The following ASTN2 variants were observed in gnomAD, a reference collection of about 807,000 sequenced individuals.
ASTN2 encodes the protein astrotactin 2.
Under a neutral mutation model 139.8 loss-of-function variants are expected in ASTN2, and 54 were observed. The ratio of observed to expected loss-of-function variants is 0.39; its 90% confidence interval spans 0.31 to 0.48. The LOEUF (loss-of-function observed/expected upper bound fraction) is 0.48. Among genes scored for constraint, ASTN2 ranks in the 20% least tolerant of loss-of-function variants. ASTN2 has a pLI of 0.95. For synonymous variants in ASTN2, 756 were observed against 719.5 expected (o/e 1.05, Z -0.81); for missense variants, 1,565 against 1,725.1 (o/e 0.91, Z 1.64).
intron 10 of ASTN2, among the ~76,000 whole-genome samples, chr9:116,937,988 C>T (rs779161575): frequency 2.0e-5 from 3 of 152,226 alleles, no homozygotes; most frequent in Non-Finnish European, 2.9e-5. Context: ...CTAATTTTCT[C>T]GGCAACCTTT....
At position 116,731,669 on chromosome 9, in the gene ASTN2, C is replaced by A. The variant is rs528499581; in HGVS notation, c.2521+1730G>T. Among the ~76,000 whole-genome samples the A allele has an allele frequency of 2.7e-4, 41 of 152,286 alleles. 1 individual carries two copies. The South Asian group carries it at 8.5e-3, about 32-fold the overall frequency. Reference sequence around the variant, plus strand: ...AAACTCCTGACCTCAGGTGATCAACCTGCCTCGGACTCCCAAAGTGTGGGG... The same window carrying A: ...AAACTCCTGACCTCAGGTGATCAACATGCCTCGGACTCCCAAAGTGTGGGG... On this transcript the variant is annotated intron_variant, in intron 14 of 22. Coordinates refer to ENST00000313400, the MANE Select transcript of ASTN2 (RefSeq NM_001365068.1).
intron 7 of ASTN2, among the ~76,000 whole-genome samples, chr9:116,987,710 T>G (rs1025521437): frequency 6.6e-6 from 1 of 152,170 alleles, no homozygotes; most frequent in African/African-American, 2.4e-5. Context: ...AACATTTAAT[T>G]TATAAATTAG....
chr9:116,462,741 T>G (rs1285926467), intron 20 of ASTN2, among the ~76,000 whole-genome samples: 1 of 151,868 alleles, frequency 6.6e-6, no homozygotes, highest in African/African-American at 2.4e-5. Context: ...TCAACAGGCC[T>G]TCTTATCCTC....
At chr9:116,526,481 G>A (rs142832615) in intron 19 of ASTN2, among the ~76,000 whole-genome samples, 1 of 152,116 alleles carries the variant, frequency 6.6e-6, no homozygotes, top group African/African-American at 2.4e-5. Flanking sequence ...AATTAGCTAG[G>A]TACAGTGGCT....
intron 19 of ASTN2, among the ~76,000 whole-genome samples, chr9:116,506,832 TC>T: frequency 6.6e-6 from 1 of 152,202 alleles, no homozygotes; most frequent in Admixed American, 6.6e-5. Flanking sequence ...TACTGACTCT[TC>T]AGCTCCCTGG....
Position 116,587,345 on chromosome 9 carries a change from T to TAA in ASTN2, c.3355+30978_3355+30979insTT, listed in dbSNP as rs376336813. ...GACAGAGCAAGACCCCATCTCAAAT[T>TAA]TAAAAAAAAAAAAAAAAAAAAGCAC... On this transcript the variant is annotated intron_variant, in intron 19 of 22. Coordinates refer to ENST00000313400, the MANE Select transcript of ASTN2 (RefSeq NM_001365068.1). Among the ~76,000 whole-genome samples the TAA allele has an allele frequency of 2.2e-3, 182 of 83,274 alleles. 17 individuals carry two copies. Among genetic ancestry groups the TAA allele is most frequent in the Middle Eastern group, 6.8e-3 (1 of 146 alleles). 54.6% of individuals were successfully genotyped at this position (83,274 alleles called of 152,430 possible).
intron 10 of ASTN2, among the ~76,000 whole-genome samples, chr9:116,910,110 C>G (rs1351327457): frequency 6.6e-6 from 1 of 150,788 alleles, no homozygotes; most frequent in Non-Finnish European, 1.5e-5. Flanking sequence ...AATACAAGTA[C>G]AGTCCAAATT....
At chr9:116,771,415 A>G (rs1363438808) in intron 13 of ASTN2, among the ~76,000 whole-genome samples, 1 of 152,202 alleles carries the variant, frequency 6.6e-6, no homozygotes, top group Non-Finnish European at 1.5e-5. Context: ...CATGGCACAT[A>G]ATCAATGGTA....
At chr9:116,923,862 G>A (rs1001985928) in intron 10 of ASTN2, among the ~76,000 whole-genome samples, 5 of 152,170 alleles carry the variant, frequency 3.3e-5, no homozygotes, top group African/African-American at 9.7e-5. Context: ...CACCACTTCA[G>A]TGTTGAACAG....
At chr9:116,670,328 C>A (rs1002399219) in intron 16 of ASTN2, among the ~76,000 whole-genome samples, 5 of 152,104 alleles carry the variant, frequency 3.3e-5, no homozygotes, top group Non-Finnish European at 5.9e-5. Context: ...TGATGACAAT[C>A]CCCCCGGACA....
At position 116,881,020 on chromosome 9, in the gene ASTN2, C is replaced by A. The variant is rs544467540; in HGVS notation, c.1890-17287G>T. 1.8e-4 allele frequency among the ~76,000 whole-genome samples: 27 copies of A among 152,106 alleles called. No individual in the cohort carries two copies. In the South Asian group the frequency reaches 5.4e-3, roughly 30 times the overall value. ...AGAGAAGGCTTTCTAGAAGAGGTAG[C>A]CACACATGGATCTTGAAGAAAGATG... On this transcript the variant is annotated intron_variant, in intron 10 of 22. Transcript: ENST00000313400.
intron 10 of ASTN2, among the ~76,000 whole-genome samples, chr9:116,906,497 C>A (rs534306510): frequency 6.6e-6 from 1 of 152,232 alleles, no homozygotes; most frequent in East Asian, 1.9e-4. Flanking sequence ...GACAGAAGAC[C>A]CTTCTCTCAT....
chr9:117,367,467 G>C (rs566917801), intron 1 of ASTN2, among the ~76,000 whole-genome samples: 1 of 152,282 alleles, frequency 6.6e-6, no homozygotes, highest in Non-Finnish European at 1.5e-5. Context: ...CTGTAAAGAA[G>C]GGACATTTTC....
chr9:117,060,023 G>A (rs1587915356), intron 5 of ASTN2, among the ~76,000 whole-genome samples: 1 of 151,708 alleles, frequency 6.6e-6, no homozygotes. Flanking sequence ...GAAATTAGAC[G>A]TGATAGGTCA....
At chr9:117,031,842 T>A (rs1284492354) in intron 6 of ASTN2, among the ~76,000 whole-genome samples, 1 of 152,080 alleles carries the variant, frequency 6.6e-6, no homozygotes, top group Non-Finnish European at 1.5e-5. Context: ...CTTGCAAGGA[T>A]GCAAAGGCCA....
rs140854103 is a variant in ASTN2, at chr9:117,083,011, A to T, written c.1276+13033T>A. On this transcript the variant is annotated intron_variant, in intron 5 of 22. Transcript: ENST00000313400. ...TTACATTAGTTCCTCTTTTCTTTTC[A>T]TCAGAGGCAGTCCTCACAGTTTGGA... Among the ~76,000 whole-genome samples, 756 of 152,144 alleles carry T rather than the reference A, an allele frequency of 5.0e-3. 29 individuals are homozygous for T. The highest frequency in any genetic ancestry group is 0.046 in the Admixed American group (707 of 15,278).
chr9:116,773,635 G>A lies in ASTN2; in HGVS notation c.2396+31997C>T, dbSNP rs182447655. Among the ~76,000 whole-genome samples the A allele has an allele frequency of 2.3e-3, 343 of 152,250 alleles. 2 individuals carry two copies. The highest frequency in any genetic ancestry group is 5.6e-3 in the African/African-American group (231 of 41,546). ...GAATATACCACATACTGAGCAACACGAAATTATTAATACACATATTATCTC... is the reference window on the plus strand; with the variant it reads ...GAATATACCACATACTGAGCAACACAAAATTATTAATACACATATTATCTC... On this transcript the variant is annotated intron_variant, in intron 13 of 22. Coordinates refer to ENST00000313400, the MANE Select transcript of ASTN2 (RefSeq NM_001365068.1).
chr9:116,749,788 CAGTT>C (rs1829350192), intron 13 of ASTN2, among the ~76,000 whole-genome samples: 1 of 152,156 alleles, frequency 6.6e-6, no homozygotes. Context: ...AGTTCTCTTT[CAGTT>C]AGTTCACACA....
chr9:116,626,392 G>A (rs2131846206), intron 17 of ASTN2, among the ~76,000 whole-genome samples: 1 of 151,626 alleles, frequency 6.6e-6, no homozygotes, highest in East Asian at 1.9e-4. Flanking sequence ...TTTTAAATAT[G>A]TTATAAACAT....
Sources: allele counts gnomAD v4.1 joint callset (sites outside exome capture counted in the v4.1 genomes callset), GRCh38; gene constraint gnomAD v4.1.1; transcripts MANE v1.5; gene names NCBI Gene and HGNC (gene_info 2026-07-23, HGNC 2026-07-21).